STMND1: variants seen among roughly 807,000 people sequenced by gnomAD.
STMND1 encodes the protein stathmin domain containing 1, also known as stathmin domain-containing protein 1.
In STMND1, 17 loss-of-function variants were observed where a neutral mutation model predicts 23.0. That is an observed-to-expected ratio of 0.74 (90% confidence interval 0.51 to 1.11). STMND1 has a LOEUF of 1.11. Among genes scored for constraint, STMND1 ranks in the 50% least tolerant of loss-of-function variants. STMND1 has a pLI of 0.00. For missense variants in STMND1, 305 were observed against 329.1 expected (o/e 0.93, Z 0.57); for synonymous variants, 114 against 119.9 (o/e 0.95, Z 0.32).
rs1255695218 is a variant in STMND1, at chr6:17,130,989, G to T, written c.*108G>T. ...CTGACCTCATTCCACTGGGATTTCTGCCTTGGGCTTAAGGATGATTGTGTG... is the reference window on the plus strand; with the variant it reads ...CTGACCTCATTCCACTGGGATTTCTTCCTTGGGCTTAAGGATGATTGTGTG... On this transcript the variant is annotated 3_prime_UTR_variant, in exon 5 of 5. Transcript: ENST00000536551. The T allele has an allele frequency of 1.9e-5, 21 of 1,103,920 alleles. No individual in the cohort carries two copies. Among genetic ancestry groups the T allele is most frequent in the Non-Finnish European group, 2.4e-5 (19 of 796,612 alleles). 68.4% of individuals were successfully genotyped at this position (1,103,920 alleles called of 1,614,324 possible). A position where few individuals can be genotyped will look rare whatever the true frequency, so the allele number is the denominator to read the frequency against.
intron 3 of STMND1, among the ~76,000 whole-genome samples, chr6:17,123,838 G>A (rs972819980): frequency 2.0e-5 from 3 of 152,112 alleles, no homozygotes; most frequent in Non-Finnish European, 4.4e-5. Context: ...TCTGTGTCAC[G>A]GATAAAACTT....
intron 1 of STMND1, among the ~76,000 whole-genome samples, chr6:17,114,452 GA>G (rs1761132119): frequency 6.6e-6 from 1 of 152,100 alleles, no homozygotes; most frequent in Admixed American, 6.5e-5. Context: ...TTTTAGTAGA[GA>G]TGGGGTTTCA....
intron 3 of STMND1, among the ~76,000 whole-genome samples, chr6:17,127,625 C>T (rs575482790): frequency 2.6e-5 from 4 of 152,278 alleles, no homozygotes; most frequent in South Asian, 2.1e-4. Flanking sequence ...ACTAAGTCTC[C>T]GTCTGGTGCC....
Position 17,114,959 on chromosome 6 carries a change from C to T in STMND1, c.82-3C>T, listed in dbSNP as rs1036478987. The stretch of plus-strand genomic sequence containing the variant: ...CTCTAACAAAACTGTTCCCTTTTCA[C>T]AGGCTGATGTCAGTGTGCCTCATAC... On this transcript the variant is annotated splice_polypyrimidine_tract_variant and splice_region_variant and intron_variant, in intron 1 of 4. Coordinates refer to ENST00000536551, the MANE Select transcript of STMND1 (RefSeq NM_001190766.2). The T allele has an allele frequency of 1.3e-6, 2 of 1,504,284 alleles. No homozygotes were observed. The highest frequency in any genetic ancestry group is 1.8e-6 in the Non-Finnish European group (2 of 1,135,366). 93.2% of individuals were successfully genotyped at this position (1,504,284 alleles called of 1,614,324 possible).
At chr6:17,122,472 A>T (rs1320698077) in intron 3 of STMND1, among the ~76,000 whole-genome samples, 1 of 152,206 alleles carries the variant, frequency 6.6e-6, no homozygotes, top group African/African-American at 2.4e-5. Context: ...TAGGGAAAAC[A>T]GTCCATTCGG....
At chr6:17,110,997 T>TA in intron 1 of STMND1, 1 of 364,176 alleles carries the variant, frequency 2.7e-6, no homozygotes, top group East Asian at 7.7e-5. Flanking sequence ...TCAGGGGAGA[T>TA]ACGATAAAAG....
intron 3 of STMND1, among the ~76,000 whole-genome samples, chr6:17,124,671 A>G (rs1386639864): frequency 6.6e-6 from 1 of 152,134 alleles, no homozygotes; most frequent in Non-Finnish European, 1.5e-5. Flanking sequence ...AGCTTTCGAG[A>G]TGTTTATGCG....
At chr6:17,106,722 A>G (rs1456765698) in intron 1 of STMND1, among the ~76,000 whole-genome samples, 1 of 152,232 alleles carries the variant, frequency 6.6e-6, no homozygotes, top group African/African-American at 2.4e-5. Context: ...AGGATCTTTA[A>G]AATGAAATGA....
chr6:17,102,444 G>T, intron 1 of STMND1, 106 bp downstream of exon 1: 1 of 1,362,624 alleles, frequency 7.3e-7, no homozygotes, highest in South Asian at 1.3e-5. Flanking sequence ...GCTGGAGCAG[G>T]GTCGGTCGAG....
chr6:17,116,140 C>T (rs1016106933), intron 2 of STMND1, among the ~76,000 whole-genome samples: 3 of 152,162 alleles, frequency 2.0e-5, no homozygotes, highest in Admixed American at 6.5e-5. Context: ...GTCAGGCAGA[C>T]AGGGACCTGG....
At chr6:17,104,325 A>AT (rs1315243691) in intron 1 of STMND1, among the ~76,000 whole-genome samples, 3 of 151,960 alleles carry the variant, frequency 2.0e-5, no homozygotes, top group African/African-American at 7.3e-5. Context: ...TCTTTCTTTT[A>AT]TTTTTTATTT....
chr6:17,126,054 ATATATATATATATATATTTTTT>A (rs1761293291), intron 3 of STMND1, among the ~76,000 whole-genome samples: 1 of 24,102 alleles, frequency 4.1e-5, no homozygotes, highest in Non-Finnish European at 7.4e-5. Context: ...ATATATATAT[ATATATATATATATATATTTTTT>A]TTTTTTTTTT....
At chr6:17,126,070 A>ATATATATT (rs1561925814) in intron 3 of STMND1, among the ~76,000 whole-genome samples, 1 of 20,532 alleles carries the variant, frequency 4.9e-5, no homozygotes, top group African/African-American at 2.6e-4. Flanking sequence ...ATATATATAT[A>ATATATATT]TTTTTTTTTT....
intron 1 of STMND1, 115 bp from the exon 2 acceptor site, chr6:17,114,847 A>G: frequency 8.9e-7 from 1 of 1,119,118 alleles, no homozygotes; most frequent in East Asian, 2.7e-5. Context: ...CTTTCTGGTT[A>G]CTATACAGCC....
chr6:17,104,109 C>A (rs1279962461), intron 1 of STMND1, among the ~76,000 whole-genome samples: 1 of 152,172 alleles, frequency 6.6e-6, no homozygotes, highest in African/African-American at 2.4e-5. Flanking sequence ...TCAGTTCTTC[C>A]AGGCATCTCA....
chr6:17,105,400 C>G (rs1163702909), intron 1 of STMND1, among the ~76,000 whole-genome samples: 2 of 152,148 alleles, frequency 1.3e-5, no homozygotes, highest in African/African-American at 2.4e-5. Context: ...AATCCCAGCA[C>G]TTTGGGAGGC....
At chr6:17,114,903 A>G in intron 1 of STMND1, 59 bp from the exon 2 acceptor site, 1 of 1,447,562 alleles carries the variant, frequency 6.9e-7, no homozygotes, top group Non-Finnish European at 9.1e-7. Context: ...CAGACCCTGC[A>G]ACATTGTTTT....
chr6:17,116,622 T>C (rs879933601), intron 2 of STMND1, among the ~76,000 whole-genome samples: 1 of 152,068 alleles, frequency 6.6e-6, no homozygotes, highest in African/African-American at 2.4e-5. Flanking sequence ...GTATTTTTAA[T>C]AGAGACGGGG....
chr6:17,126,056 ATATATATATATATATTT>A (rs1761294086), intron 3 of STMND1, among the ~76,000 whole-genome samples: 2 of 22,596 alleles, frequency 8.9e-5, no homozygotes, highest in Non-Finnish European at 1.6e-4. Context: ...ATATATATAT[ATATATATATATATATTT>A]TTTTTTTTTT....
Sources: gnomAD v4.1 joint callset for allele counts (sites outside exome capture counted in the v4.1 genomes callset) on GRCh38, gnomAD v4.1.1 for gene constraint, MANE v1.5 for transcripts, NCBI Gene and HGNC (gene_info 2026-07-23, HGNC 2026-07-21) for gene names.